Variants in USP43 observed in about 807,000 individuals in gnomAD.
USP43 encodes the protein ubiquitin carboxyl-terminal hydrolase 43.
In USP43, 33 loss-of-function variants were observed where a neutral mutation model predicts 90.7. That is an observed-to-expected ratio of 0.36 (90% CI 0.28 to 0.49). USP43 has a LOEUF of 0.49. Ranked by LOEUF, USP43 falls within the 20% of genes least tolerant of loss-of-function variation. The pLI is 0.98. For missense variants in USP43, 1,274 were observed against 1,476.4 expected, an observed-to-expected ratio of 0.86 and a Z score of 2.25; for synonymous variants, 598 against 615.8, an observed-to-expected ratio of 0.97 and a Z score of 0.43.
At chr17:9,711,858 T>A in intron 13 of USP43, 110 bp from the exon 14 acceptor site, 1 of 1,277,588 alleles carries the variant, frequency 7.8e-7, no homozygotes, top group Non-Finnish European at 1.0e-6. Context: ...GTTCTGTAGT[T>A]CTGGGGCTGA....
Position 9,669,331 on chromosome 17 carries a change from T to C in USP43, c.740+2580T>C, listed in dbSNP as rs185041981. ...ATCGCCAGCAGGTCGAATTCATCTG[T>C]GTGCTTGTACAATTAATTCACCTAT... On this transcript the variant is annotated intron_variant, in intron 3 of 14. Coordinates refer to ENST00000285199, the MANE Select transcript of USP43 (RefSeq NM_153210.5). Among the ~76,000 whole-genome samples, 32 of 152,340 alleles carry C rather than the reference T, an allele frequency of 2.1e-4. No homozygotes were observed. The East Asian group carries it at 3.3e-3, about 16-fold the overall frequency.
At chr17:9,657,711 G>A (rs188926228) in intron 2 of USP43, among the ~76,000 whole-genome samples, 45 of 150,492 alleles carry the variant, frequency 3.0e-4, no homozygotes, top group Non-Finnish European at 4.0e-4. Context: ...TCAGATCTCA[G>A]GAGAACTCAC....
chr17:9,677,978 C>T (rs1723480380), intron 5 of USP43, among the ~76,000 whole-genome samples: 1 of 152,104 alleles, frequency 6.6e-6, no homozygotes. Context: ...ATGACTCTCT[C>T]AAATAGCAGG....
intron 5 of USP43, among the ~76,000 whole-genome samples, chr17:9,679,361 CT>C (rs1914003704): frequency 6.6e-6 from 1 of 150,906 alleles, no homozygotes; most frequent in African/African-American, 2.4e-5. Context: ...GCCACCATGC[CT>C]GGCTAATTTT....
At chr17:9,663,838 T>C (rs1912816349) in intron 2 of USP43, among the ~76,000 whole-genome samples, 1 of 152,156 alleles carries the variant, frequency 6.6e-6, no homozygotes, top group African/African-American at 2.4e-5. Context: ...TTGGCCAGGT[T>C]GGTCTTGAAC....
At chr17:9,650,194 A>G (rs1911758438) in intron 1 of USP43, among the ~76,000 whole-genome samples, 1 of 152,214 alleles carries the variant, frequency 6.6e-6, no homozygotes. Context: ...GATTATTCCC[A>G]TAAGCTTAAT....
Position 9,701,056 on chromosome 17 carries a change from CAT to C in USP43, c.1536-61_1536-60del. 1 of 1,434,032 alleles carries C rather than the reference CAT, an allele frequency of 7.0e-7. No individual in the cohort carries two copies. The highest frequency in any genetic ancestry group is 1.4e-5 in the African/African-American group (1 of 69,636). 88.8% of individuals were successfully genotyped at this position (1,434,032 alleles called of 1,614,324 possible). On this transcript the variant is annotated intron_variant, in intron 10 of 14. Coordinates refer to ENST00000285199, the MANE Select transcript of USP43 (RefSeq NM_153210.5). This position sits in a 1 kb window ranked among gnomAD's most constrained non-coding sequence, Gnocchi z 7.2. The stretch of plus-strand genomic sequence containing the variant: ...CTGACGGGTTTGCTGTGAGTAGAGA[CAT>C]AGACGAAACCTGTCTGGGAGCAGGA...
chr17:9,696,724 G>A (rs1281593539), intron 9 of USP43, among the ~76,000 whole-genome samples: 5 of 152,182 alleles, frequency 3.3e-5, no homozygotes, highest in South Asian at 4.1e-4. Flanking sequence ...TAAACCACTC[G>A]GTGGCCTCCC....
chr17:9,717,277 T>C (rs559886166), intron 14 of USP43, among the ~76,000 whole-genome samples: 1 of 152,262 alleles, frequency 6.6e-6, no homozygotes, highest in South Asian at 2.1e-4. Flanking sequence ...AGTCCTGTTA[T>C]GAACATTTTT....
chr17:9,725,158 A>G (rs1364482147), intron 14 of USP43, among the ~76,000 whole-genome samples: 1 of 152,172 alleles, frequency 6.6e-6, no homozygotes, highest in Non-Finnish European at 1.5e-5. Flanking sequence ...TGTCAGCTGC[A>G]CTGGTGCCAT....
intron 14 of USP43, among the ~76,000 whole-genome samples, chr17:9,713,880 A>G (rs995931533): frequency 1.3e-5 from 2 of 152,142 alleles, no homozygotes; most frequent in African/African-American, 4.8e-5. Context: ...TTGACACAGT[A>G]ATTTTGAAAA....
chr17:9,725,616 G>C (rs1472656360), intron 14 of USP43, among the ~76,000 whole-genome samples: 1 of 152,186 alleles, frequency 6.6e-6, no homozygotes, highest in East Asian at 1.9e-4. Context: ...AAGATAACAG[G>C]GGTACTTTTT....
Position 9,680,252 on chromosome 17 carries a change from C to T in USP43, c.991C>T (p.Pro331Ser). Reference sequence around the variant, plus strand: ...TCAGGTGATCTTGGTTGAACTGTATCCCAGTGGATTCCAGCGGTCTTTCTT... The same window carrying T: ...TCAGGTGATCTTGGTTGAACTGTATTCCAGTGGATTCCAGCGGTCTTTCTT... ...ADEVILVELY[P>S]SGFQRSFFDE... Residue 331 changes from proline (P) to serine (S), a missense_variant, in exon 6 of 15, where the codon CCC (proline) becomes TCC (serine). Physicochemically the swap from Pro to Ser is moderately conservative, Grantham distance 74. Transcript: ENST00000285199. 1.2e-6 allele frequency: 2 copies of T among 1,613,728 alleles called. No individual in the cohort carries two copies. The highest frequency in any genetic ancestry group is 1.7e-6 in the Non-Finnish European group (2 of 1,179,766).
intron 14 of USP43, among the ~76,000 whole-genome samples, chr17:9,726,015 T>C (rs193021760): frequency 2.4e-4 from 37 of 152,220 alleles, no homozygotes; most frequent in Non-Finnish European, 2.8e-4. Context: ...TTGGGTAAAA[T>C]TGTGTCTATG....
chr17:9,716,524 C>T (rs866182020), intron 14 of USP43, among the ~76,000 whole-genome samples: 2 of 151,968 alleles, frequency 1.3e-5, no homozygotes, highest in Non-Finnish European at 2.9e-5. Context: ...AGAGAGAGAG[C>T]GAACTGTTGT....
At chr17:9,675,366 G>A (rs969302639) in intron 4 of USP43, among the ~76,000 whole-genome samples, 2 of 152,050 alleles carry the variant, frequency 1.3e-5, no homozygotes, top group African/African-American at 2.4e-5. Flanking sequence ...CTTTGAGAAG[G>A]TGCAGGAAAA....
chr17:9,692,414 G>A (rs888580519), intron 8 of USP43, among the ~76,000 whole-genome samples: 3 of 152,170 alleles, frequency 2.0e-5, no homozygotes, highest in Non-Finnish European at 4.4e-5. Flanking sequence ...GTACCTCAGC[G>A]TTGTCTTGAT....
intron 12 of USP43, among the ~76,000 whole-genome samples, chr17:9,705,260 G>C (rs1302607932): frequency 6.8e-6 from 1 of 146,668 alleles, no homozygotes; most frequent in Non-Finnish European, 1.5e-5. Context: ...CCTAATTTAA[G>C]TAAAAGTACT....
intron 6 of USP43, among the ~76,000 whole-genome samples, chr17:9,681,930 G>C (rs1914315853): frequency 6.6e-6 from 1 of 152,200 alleles, no homozygotes; most frequent in Non-Finnish European, 1.5e-5. Flanking sequence ...TGAGTTGACA[G>C]GGAGATGCTG....
Sources: allele counts gnomAD v4.1 joint callset (sites outside exome capture counted in the v4.1 genomes callset), GRCh38; gene constraint gnomAD v4.1.1; non-coding constraint Gnocchi (gnomAD v3.1); transcripts MANE v1.5; gene names NCBI Gene and HGNC (gene_info 2026-07-23, HGNC 2026-07-21).